The following SCARB2 variants were observed in gnomAD, a reference collection of about 807,000 sequenced individuals.
SCARB2 encodes scavenger receptor class B member 2.
SCARB2 carries 29 observed loss-of-function variants against 58.6 expected under a neutral mutation model. The observed-to-expected ratio is 0.49, with a 90% confidence interval of 0.37 to 0.67. SCARB2 has a LOEUF of 0.67. Ranked by LOEUF, SCARB2 falls within the 30% of genes least tolerant of loss-of-function variation. The pLI, the probability that SCARB2 is intolerant of heterozygous loss-of-function variation, is 0.00. For synonymous variants in SCARB2, 195 were observed against 210.1 expected (o/e 0.93, Z 0.62); for missense variants, 488 against 578.5 (o/e 0.84, Z 1.60).
intron 1 of SCARB2, among the ~76,000 whole-genome samples, chr4:76,200,735 A>G (rs573415394): frequency 2.6e-5 from 4 of 152,256 alleles, no homozygotes; most frequent in East Asian, 1.9e-4. Flanking sequence ...CCATCTAAAC[A>G]TCTCACAGGC....
intron 1 of SCARB2, among the ~76,000 whole-genome samples, chr4:76,228,406 A>G (rs1733436534): frequency 6.6e-6 from 1 of 151,656 alleles, no homozygotes; most frequent in East Asian, 1.9e-4. Flanking sequence ...TTGAACCCGG[A>G]AGGTGAAGGT....
chr4:76,231,538 A>T (rs1425537332), intron 1 of SCARB2, among the ~76,000 whole-genome samples: 1 of 152,236 alleles, frequency 6.6e-6, no homozygotes, highest in East Asian at 1.9e-4. Context: ...AAACAAACAA[A>T]CAAACAAATC....
At chr4:76,197,988 C>T (rs545674111) in intron 1 of SCARB2, among the ~76,000 whole-genome samples, 2 of 152,212 alleles carry the variant, frequency 1.3e-5, no homozygotes, top group African/African-American at 2.4e-5. Context: ...ACAAAGAGAA[C>T]TCACTTCATC....
upstream of SCARB2, chr4:76,217,806 A>C (rs1733239448): frequency 2.5e-6 from 1 of 404,520 alleles, no homozygotes; most frequent in South Asian, 1.2e-4. Context: ...GAGAAGAACA[A>C]GTACACTTAA....
At position 76,202,834 on chromosome 4, in the gene SCARB2, CTGT is replaced by C. The variant is rs575196178; in HGVS notation, c.118-6973_118-6971del. ...CCTTGTTATTAAATAGGTTTTGAAACTGTTATTTTAATGTCTGTATACTAATCC... is the reference window on the plus strand; with the variant it reads ...CCTTGTTATTAAATAGGTTTTGAAACTATTTTAATGTCTGTATACTAATCC... On this transcript the variant is annotated intron_variant, in intron 1 of 11. Transcript: ENST00000264896. 1.5e-4 allele frequency among the ~76,000 whole-genome samples: 23 copies of C among 152,076 alleles called. No homozygotes were observed. In the East Asian group the frequency reaches 4.1e-3, roughly 27 times the overall value.
At chr4:76,223,572 C>T (rs979528600) in intron 1 of SCARB2, among the ~76,000 whole-genome samples, 6 of 152,052 alleles carry the variant, frequency 3.9e-5, no homozygotes, top group Non-Finnish European at 4.4e-5. Flanking sequence ...GATCCCAAGA[C>T]GTTGCATTGG....
chr4:76,180,049 TCA>T, intron 3 of SCARB2: 1 of 346,628 alleles, frequency 2.9e-6, no homozygotes, highest in Non-Finnish European at 5.6e-6. Flanking sequence ...GGCCAGAGGC[TCA>T]TTATAAACCC....
At chr4:76,198,094 C>G (rs1732751756) in intron 1 of SCARB2, among the ~76,000 whole-genome samples, 2 of 152,214 alleles carry the variant, frequency 1.3e-5, no homozygotes, top group Non-Finnish European at 2.9e-5. Flanking sequence ...GCCGCCCCCA[C>G]TCTCGACTCC....
chr4:76,211,737 C>G (rs889933043), intron 1 of SCARB2, among the ~76,000 whole-genome samples: 2 of 152,182 alleles, frequency 1.3e-5, no homozygotes, highest in African/African-American at 4.8e-5. Context: ...CAGGAAAAAG[C>G]AGAATAGCGA....
At chr4:76,226,833 A>T (rs1733406751) in intron 1 of SCARB2, among the ~76,000 whole-genome samples, 1 of 152,214 alleles carries the variant, frequency 6.6e-6, no homozygotes, top group Non-Finnish European at 1.5e-5. Context: ...TAGTGACCTT[A>T]AATGATCTTT....
intron 2 of SCARB2, among the ~76,000 whole-genome samples, chr4:76,182,985 C>T (rs1046614519): frequency 6.6e-6 from 1 of 152,202 alleles, no homozygotes; most frequent in Non-Finnish European, 1.5e-5. Flanking sequence ...GTTGAACCAT[C>T]ATAAGTCAAG....
upstream of SCARB2, chr4:76,213,902 G>C (rs919553528): frequency 2.4e-5 from 4 of 166,346 alleles, no homozygotes; most frequent in African/African-American, 4.8e-5. Flanking sequence ...GCGACTGCGC[G>C]GGGAGGCGGG....
chr4:76,201,560 G>A (rs760878705), intron 1 of SCARB2, among the ~76,000 whole-genome samples: 7 of 152,276 alleles, frequency 4.6e-5, no homozygotes, highest in Middle Eastern at 3.4e-3. Context: ...GCAAAATGCC[G>A]CATATTCTAA....
rs944171354 is a variant in SCARB2, at chr4:76,160,903, C to G, written c.*810G>C. On this transcript the variant is annotated 3_prime_UTR_variant, in exon 12 of 12. Transcript: ENST00000264896. ...CAGAAGCATCTTTTCGTAGCATGAT[C>G]ATTTTGACTAAAAAAAAAACAGTTA... 6.6e-6 allele frequency: 1 copy of G among 152,122 alleles called. No homozygotes were observed. Among genetic ancestry groups the G allele is most frequent in the South Asian group, 2.1e-4 (1 of 4,822 alleles). The allele number at this position is 152,122 out of a possible 1,614,324, so 9.4% of individuals were successfully genotyped here.
intron 2 of SCARB2, among the ~76,000 whole-genome samples, chr4:76,187,063 G>A (rs2109953886): frequency 6.6e-6 from 1 of 152,168 alleles, no homozygotes; most frequent in Admixed American, 6.5e-5. Flanking sequence ...AGGGTTAATA[G>A]GACAGAATTA....
At chr4:76,168,355 C>A (rs1732058762) in intron 9 of SCARB2, 48 bp downstream of exon 9, 2 of 1,433,484 alleles carry the variant, frequency 1.4e-6, no homozygotes, top group African/African-American at 1.4e-5. Flanking sequence ...ACCAGACGGG[C>A]AATGGAGCAA....
intron 4 of SCARB2, chr4:76,179,053 GTTTTT>G (rs76934511): frequency 0.26 from 36,511 of 138,118 alleles, 5,095 homozygotes; most frequent in African/African-American, 0.51. Context: ...TTTTGTTTTT[GTTTTT>G]TTTTTGGCTT....
At chr4:76,190,043 C>T (rs1732571917) in intron 2 of SCARB2, among the ~76,000 whole-genome samples, 1 of 151,116 alleles carries the variant, frequency 6.6e-6, no homozygotes, top group African/African-American at 2.4e-5. Context: ...GGGTCTTACC[C>T]TGTTACCCAG....
chr4:76,176,078 C>G (rs1388091989), intron 5 of SCARB2, 168 bp from the exon 6 acceptor site: 1 of 833,580 alleles, frequency 1.2e-6, no homozygotes, highest in Non-Finnish European at 1.8e-6. Flanking sequence ...AAAGTAGGTC[C>G]CTGGCCCAAA....
Sources: gnomAD v4.1 joint callset for allele counts (sites outside exome capture counted in the v4.1 genomes callset) on GRCh38, gnomAD v4.1.1 for gene constraint, MANE v1.5 for transcripts, NCBI Gene and HGNC (gene_info 2026-07-23, HGNC 2026-07-21) for gene names.